BAZ1A: variants seen among roughly 807,000 people sequenced by gnomAD.
BAZ1A encodes the protein bromodomain adjacent to zinc finger domain 1A.
BAZ1A carries 50 observed loss-of-function variants against 185.2 expected under a neutral mutation model. That is an observed-to-expected ratio of 0.27 (90% confidence interval 0.22 to 0.34). BAZ1A has a LOEUF of 0.34. Ranked by LOEUF, BAZ1A falls within the 10% of genes least tolerant of loss-of-function variation. The pLI, the probability that BAZ1A is intolerant of heterozygous loss-of-function variation, is 1.00. For synonymous variants in BAZ1A, 571 were observed against 615.6 expected, an observed-to-expected ratio of 0.93 and a Z score of 1.07; for missense variants, 1,356 against 1,839.9, an observed-to-expected ratio of 0.74 and a Z score of 4.81.
intron 2 of BAZ1A, among the ~76,000 whole-genome samples, chr14:34,873,649 C>A (rs576373412): frequency 6.6e-6 from 1 of 152,212 alleles, no homozygotes; most frequent in Non-Finnish European, 1.5e-5. Flanking sequence ...CCGCGCTTCC[C>A]GGCTATGCGA....
intron 2 of BAZ1A, among the ~76,000 whole-genome samples, chr14:34,867,901 G>A (rs182763894): frequency 3.7e-4 from 56 of 152,248 alleles, no homozygotes; most frequent in Admixed American, 3.4e-3. Context: ...CTGAATTCTA[G>A]GGGGTTGGTT....
rs116025706 is a variant in BAZ1A, at chr14:34,764,056, C to T, written c.3776+651G>A. Reference sequence around the variant, plus strand: ...GGAATATCCAGGCTCCACACTCATTCGCTAGGCCTGAATGACACAGCATGC... The same window carrying T: ...GGAATATCCAGGCTCCACACTCATTTGCTAGGCCTGAATGACACAGCATGC... On this transcript the variant is annotated intron_variant, in intron 23 of 26. Coordinates refer to ENST00000360310, the MANE Select transcript of BAZ1A (RefSeq NM_013448.3). 9.1e-3 allele frequency among the ~76,000 whole-genome samples: 1,379 copies of T among 152,178 alleles called. 21 individuals carry two copies. Among genetic ancestry groups the T allele is most frequent in the African/African-American group, 0.03 (1,232 of 41,510 alleles).
At chr14:34,771,061 G>A (rs1879186854) in intron 21 of BAZ1A, 1 of 153,286 alleles carries the variant, frequency 6.5e-6, no homozygotes, top group Admixed American at 6.5e-5. Context: ...CCATGCAATG[G>A]TGTGGTCATA....
At chr14:34,801,480 G>C (rs1297727544) in intron 7 of BAZ1A, among the ~76,000 whole-genome samples, 2 of 152,010 alleles carry the variant, frequency 1.3e-5, no homozygotes, top group South Asian at 2.1e-4. Context: ...ATTTTTAGTA[G>C]ATACAGGGTT....
intron 3 of BAZ1A, chr14:34,845,456 T>G (rs1208043781): frequency 6.6e-6 from 1 of 152,212 alleles, no homozygotes; most frequent in Non-Finnish European, 1.5e-5. Context: ...GAATTCCACT[T>G]GTATTCAATA....
At chr14:34,771,430 C>A in intron 21 of BAZ1A, 81 bp downstream of exon 21, 6 of 1,286,830 alleles carry the variant, frequency 4.7e-6, no homozygotes, top group Non-Finnish European at 5.3e-6. Context: ...TTATGTCAGC[C>A]AATAAAGTTC....
At chr14:34,810,817 T>TA in intron 5 of BAZ1A, 118 bp downstream of exon 5, 4 of 741,320 alleles carry the variant, frequency 5.4e-6, no homozygotes, top group Non-Finnish European at 8.9e-6. Context: ...AATGTACATT[T>TA]ATTTTTAAGA....
intron 25 of BAZ1A, among the ~76,000 whole-genome samples, chr14:34,756,206 C>T (rs186116914): frequency 2.6e-5 from 4 of 151,064 alleles, no homozygotes; most frequent in South Asian, 2.1e-4. Flanking sequence ...CTCTGCCTCC[C>T]GGGTTCAAGC....
chr14:34,817,800 C>A (rs1039885346), intron 4 of BAZ1A, among the ~76,000 whole-genome samples: 7 of 152,196 alleles, frequency 4.6e-5, no homozygotes, highest in African/African-American at 1.7e-4. Context: ...CATTTTACAC[C>A]CGATAAGGAT....
chr14:34,838,099 T>C (rs1015228138), intron 3 of BAZ1A, among the ~76,000 whole-genome samples: 1 of 152,170 alleles, frequency 6.6e-6, no homozygotes, highest in African/African-American at 2.4e-5. Flanking sequence ...CTGACAACTT[T>C]GTGGACCTAT....
At chr14:34,798,687 C>A (rs10147386) in intron 9 of BAZ1A, among the ~76,000 whole-genome samples, 1,798 of 152,240 alleles carry the variant, frequency 0.012, 40 homozygotes, top group African/African-American at 0.04. Flanking sequence ...TAATGAGATA[C>A]CATCTCACAG....
intron 4 of BAZ1A, among the ~76,000 whole-genome samples, chr14:34,812,516 ACT>A (rs1271497887): frequency 3.9e-5 from 6 of 152,076 alleles, no homozygotes; most frequent in Non-Finnish European, 5.9e-5. Context: ...TGGAAAAGAC[ACT>A]CTGGGGAAGA....
chr14:34,822,716 CTATTT>C (rs1392759827), intron 4 of BAZ1A, among the ~76,000 whole-genome samples: 2 of 152,192 alleles, frequency 1.3e-5, no homozygotes, highest in Non-Finnish European at 2.9e-5. Context: ...ATGGCACAGT[CTATTT>C]AGTCAGGAAA....
At chr14:34,785,124 G>T (rs1008850934) in intron 14 of BAZ1A, among the ~76,000 whole-genome samples, 1 of 152,186 alleles carries the variant, frequency 6.6e-6, no homozygotes, top group Non-Finnish European at 1.5e-5. Context: ...CCAAGGTGCT[G>T]GGATTACAGG....
chr14:34,869,536 T>C (rs1332396354), intron 2 of BAZ1A, among the ~76,000 whole-genome samples: 12 of 152,180 alleles, frequency 7.9e-5, no homozygotes, highest in Non-Finnish European at 1.8e-4. Context: ...TTTTGAATCA[T>C]TGTTATAGGT....
intron 3 of BAZ1A, among the ~76,000 whole-genome samples, chr14:34,860,311 C>T (rs2042747195): frequency 6.6e-6 from 1 of 151,704 alleles, no homozygotes; most frequent in Non-Finnish European, 1.5e-5. Context: ...AGTTTGAGAG[C>T]TGCTGGGGCA....
intron 2 of BAZ1A, among the ~76,000 whole-genome samples, chr14:34,871,912 CAG>C (rs1185759867): frequency 6.6e-6 from 1 of 152,148 alleles, no homozygotes; most frequent in Non-Finnish European, 1.5e-5. Flanking sequence ...ATAGTTTTTC[CAG>C]AGTTGTTCCA....
chr14:34,791,233 A>G lies in BAZ1A; in HGVS notation c.1510+1542T>C, dbSNP rs73249127. 9.9e-3 allele frequency among the ~76,000 whole-genome samples: 1,511 copies of G among 152,256 alleles called. 21 individuals carry two copies. Among genetic ancestry groups the G allele is most frequent in the African/African-American group, 0.035 (1,471 of 41,532 alleles). ...TTTTCCTTTATACTGATTTTCCCAT[A>G]CTATTTCCTTTTTACCGTACTTTTG... On this transcript the variant is annotated intron_variant, in intron 12 of 26. Transcript: ENST00000360310.
At chr14:34,762,721 C>T (rs1189006153) in intron 23 of BAZ1A, among the ~76,000 whole-genome samples, 3 of 152,128 alleles carry the variant, frequency 2.0e-5, no homozygotes, top group East Asian at 1.9e-4. Flanking sequence ...CTGCATGCCT[C>T]GGCCTCCCAA....
Sources: gnomAD v4.1 joint callset for allele counts (sites outside exome capture counted in the v4.1 genomes callset) on GRCh38, gnomAD v4.1.1 for gene constraint, MANE v1.5 for transcripts, NCBI Gene and HGNC (gene_info 2026-07-23, HGNC 2026-07-21) for gene names.